The following SEC14L6 variants were observed in gnomAD, a reference collection of about 807,000 sequenced individuals.
SEC14L6 encodes the protein SEC14 like lipid binding 6, also known as SEC14-like protein 6.
A neutral mutation model predicts 54.1 loss-of-function variants in SEC14L6; 40 were observed. The observed-to-expected ratio is 0.74, with a 90% CI of 0.57 to 0.96. The LOEUF (loss-of-function observed/expected upper bound fraction) is 0.96, where lower values mean the gene tolerates loss of function less well. Ranked by LOEUF, SEC14L6 falls within the 40% of genes least tolerant of loss-of-function variation. The pLI is 0.00. For missense variants in SEC14L6, 471 were observed against 498.3 expected, an observed-to-expected ratio of 0.95 and a Z score of 0.52; for synonymous variants, 171 against 198.4, an observed-to-expected ratio of 0.86 and a Z score of 1.16.
chr22:30,542,830 T>C, intron 1 of SEC14L6: 1 of 1,596,284 alleles, frequency 6.3e-7, no homozygotes, highest in Non-Finnish European at 8.6e-7. Context: ...AGAAGGCCAC[T>C]TCCCCCGGGT....
At chr22:30,535,400 G>T (rs1937112028) in intron 2 of SEC14L6, among the ~76,000 whole-genome samples, 1 of 152,202 alleles carries the variant, frequency 6.6e-6, no homozygotes, top group Non-Finnish European at 1.5e-5. Flanking sequence ...TGGTCCCCAG[G>T]GCCTTGGGGA....
chr22:30,528,788 G>C (rs1936867248), intron 8 of SEC14L6, among the ~76,000 whole-genome samples: 1 of 152,132 alleles, frequency 6.6e-6, no homozygotes, highest in South Asian at 2.1e-4. Context: ...CAGAGCAGCT[G>C]AGTGACTCAC....
chr22:30,542,820 A>C, intron 1 of SEC14L6: 1 of 1,595,580 alleles, frequency 6.3e-7, no homozygotes, highest in Non-Finnish European at 8.6e-7. Context: ...ACCATCAAAA[A>C]GAAGGCCACT....
At chr22:30,525,276 G>T in intron 11 of SEC14L6, 74 bp downstream of exon 11, 1 of 1,527,846 alleles carries the variant, frequency 6.5e-7, no homozygotes, top group Non-Finnish European at 8.9e-7. Flanking sequence ...TCACCTGGTA[G>T]GACCTGGATG....
chr22:30,525,941 G>A lies in SEC14L6; in HGVS notation c.665-9C>T. ...CTCCTGCTTCCAGTTGTCTGCATGG[G>A]AGCAAGAGAGGGACTCCAAAGGGAC... On this transcript the variant is annotated splice_polypyrimidine_tract_variant and intron_variant, in intron 8 of 11. Coordinates refer to ENST00000402034, the MANE Select transcript of SEC14L6 (RefSeq NM_001193336.4). 5 of 1,588,616 alleles carry A rather than the reference G, an allele frequency of 3.1e-6. No homozygotes were observed. The highest frequency in any genetic ancestry group is 3.4e-6 in the Non-Finnish European group (4 of 1,165,986).
rs9608971 is a variant in SEC14L6 at position 30,534,414 on chromosome 22, A to T, written c.131-375T>A. On this transcript the variant is annotated intron_variant, in intron 2 of 11. Transcript: ENST00000402034. ...ACTCTTTAATTTTTACTTAAAAAAAATTTTTTTTTTTTTTTGAGAAGGAGT... is the reference window on the plus strand; with the variant it reads ...ACTCTTTAATTTTTACTTAAAAAAATTTTTTTTTTTTTTTTGAGAAGGAGT... 1.1e-3 allele frequency among the ~76,000 whole-genome samples: 164 copies of T among 145,126 alleles called. No homozygotes were observed. In the Middle Eastern group the frequency reaches 0.014, roughly 12 times the overall value.
At chr22:30,542,610 G>A in intron 1 of SEC14L6, 3 of 1,523,804 alleles carry the variant, frequency 2.0e-6, no homozygotes, top group South Asian at 1.2e-5. Context: ...GCCTCGGGCC[G>A]CTGCTCTGCC....
Position 30,546,661 on chromosome 22 carries a change from G to A in SEC14L6, c.22C>T (p.Leu8=). The A allele has an allele frequency of 6.4e-7, 1 of 1,550,514 alleles. No homozygotes were observed. Among genetic ancestry groups the A allele is most frequent in the Non-Finnish European group, 8.7e-7 (1 of 1,146,960 alleles). Residue 8 remains leucine (L), a synonymous_variant, in exon 1 of 12, where the codon CTG becomes TTG. Coordinates refer to ENST00000402034, the MANE Select transcript of SEC14L6 (RefSeq NM_001193336.4). ...AGCGACTTCTCCTGCGATGGGCTCA[G>A]GTCACCCACTTGTCCACTCATGCTG... MSGQVGD[L]SPSQEKSLAQ...
chr22:30,543,536 A>G, intron 1 of SEC14L6: 3 of 1,613,416 alleles, frequency 1.9e-6, no homozygotes, highest in African/African-American at 1.3e-5. Flanking sequence ...GTATCTGCCC[A>G]CAGGGATGAT....
chr22:30,529,018 G>C (rs1936874150), intron 8 of SEC14L6, 69 bp downstream of exon 8: 2 of 1,307,904 alleles, frequency 1.5e-6, no homozygotes, highest in Admixed American at 4.0e-5. Flanking sequence ...GGAACCATCA[G>C]ATCTGTGAGA....
In SEC14L6 at chr22:30,523,360, AT is replaced by A. The variant is rs372705018; in HGVS notation, c.*1636del. On this transcript the variant is annotated 3_prime_UTR_variant, in exon 12 of 12. Transcript: ENST00000402034. ...TGTCCCACTGTGAGGCTCAGTCTGA[AT>A]TTTTTTTTTTTAAGACAGGGTCTTG... 0.014 allele frequency: 2,017 copies of A among 147,582 alleles called. 32 individuals are homozygous for A. The highest frequency in any genetic ancestry group is 0.045 in the African/African-American group (1,804 of 40,454). 9.1% of individuals were successfully genotyped at this position (147,582 alleles called of 1,614,324 possible).
intron 9 of SEC14L6, 37 bp from the exon 10 acceptor site, chr22:30,525,787 G>T: frequency 1.2e-6 from 2 of 1,613,742 alleles, no homozygotes; most frequent in Non-Finnish European, 1.7e-6. Flanking sequence ...CTAGGTCACA[G>T]CTTCTCCCCT....
chr22:30,546,383 CAAAAAAAAAAA>C (rs915640201), intron 1 of SEC14L6, among the ~76,000 whole-genome samples: 1 of 49,864 alleles, frequency 2.0e-5, no homozygotes, highest in Non-Finnish European at 4.1e-5. Context: ...AACTCCGTCT[CAAAAAAAAAAA>C]AAAAAAAAAA....
chr22:30,537,053 A>G (rs1046536064), intron 2 of SEC14L6, among the ~76,000 whole-genome samples: 1 of 150,988 alleles, frequency 6.6e-6, no homozygotes, highest in African/African-American at 2.4e-5. Flanking sequence ...GAAATAATAC[A>G]TAAAAACTGC....
chr22:30,539,467 G>T (rs2085658969), intron 1 of SEC14L6, among the ~76,000 whole-genome samples: 1 of 152,166 alleles, frequency 6.6e-6, no homozygotes, highest in Non-Finnish European at 1.5e-5. Context: ...TCAGGGATGT[G>T]GGGGCAGGGA....
At position 30,538,875 on chromosome 22, in the gene SEC14L6, A is replaced by T; in HGVS notation, c.82T>A (p.Ser28Thr). 2 of 1,556,480 alleles carry T rather than the reference A, an allele frequency of 1.3e-6. No individual in the cohort carries two copies. Among genetic ancestry groups the T allele is most frequent in the South Asian group, 1.2e-5 (1 of 84,324 alleles). Reference sequence around the variant, plus strand: ...TAGTCATCAGGATTGGGCAGCGCAGATAGCACATCTTGGATGTTCTCCCGG... The same window carrying T: ...TAGTCATCAGGATTGGGCAGCGCAGTTAGCACATCTTGGATGTTCTCCCGG... ...QFRENIQDVL[S>T]ALPNPDDYFL... Residue 28 changes from serine to threonine, a missense_variant, in exon 2 of 12, where the codon TCT becomes ACT. Transcript: ENST00000402034.
chr22:30,535,402 C>A (rs1601891827), intron 2 of SEC14L6, among the ~76,000 whole-genome samples: 1 of 152,192 alleles, frequency 6.6e-6, no homozygotes, highest in Non-Finnish European at 1.5e-5. Context: ...GTCCCCAGGG[C>A]CTTGGGGAGT....
At chr22:30,537,021 CAAAAAAAAAAA>C (rs11383409) in intron 2 of SEC14L6, among the ~76,000 whole-genome samples, 3 of 78,512 alleles carry the variant, frequency 3.8e-5, no homozygotes, top group African/African-American at 5.5e-5. Flanking sequence ...GACTCTGACT[CAAAAAAAAAAA>C]AAAAAAAAAG....
chr22:30,536,424 C>G (rs1385662864), intron 2 of SEC14L6, among the ~76,000 whole-genome samples: 1 of 152,178 alleles, frequency 6.6e-6, no homozygotes, highest in Non-Finnish European at 1.5e-5. Flanking sequence ...GTAGGAGTTG[C>G]AGCCACATTT....
Sources: gnomAD v4.1 joint callset for allele counts (sites outside exome capture counted in the v4.1 genomes callset) on GRCh38, gnomAD v4.1.1 for gene constraint, MANE v1.5 for transcripts, NCBI Gene and HGNC (gene_info 2026-07-23, HGNC 2026-07-21) for gene names.